Variants in HAVCR1 observed in about 807,000 individuals in gnomAD.
The protein encoded by HAVCR1 is T cell immunoglobin domain and mucin domain protein 1.
HAVCR1 carries 34 observed loss-of-function variants against 32.0 expected under a neutral mutation model. The observed-to-expected ratio is 1.06, with a 90% CI of 0.81 to 1.42. The LOEUF is 1.42. Among genes scored for constraint, HAVCR1 ranks in the 40% most tolerant of loss-of-function variants. The pLI is 0.00. For missense variants in HAVCR1, 420 were observed against 442.3 expected (o/e 0.95, Z 0.45); for synonymous variants, 178 against 170.3 (o/e 1.05, Z -0.35).
At chr5:157,064,822 C>T in the HAVCR1 span, among the ~76,000 whole-genome samples, 17 of 152,074 alleles carry the variant, frequency 1.1e-4, no homozygotes, top group African/African-American at 4.1e-4. Context: ...GAGCCAAGAT[C>T]GTGACACTGC....
the HAVCR1 span, among the ~76,000 whole-genome samples, chr5:157,065,790 G>A: frequency 9.2e-5 from 14 of 152,086 alleles, no homozygotes; most frequent in African/African-American, 2.7e-4. Flanking sequence ...GGGAGGCAGA[G>A]GTCGCAGTGA....
intron 1 of HAVCR1, among the ~76,000 whole-genome samples, 189 bp downstream of exon 1, chr5:157,058,732 C>T (rs1756384306): frequency 6.6e-6 from 1 of 152,164 alleles, no homozygotes; most frequent in Admixed American, 6.5e-5. Context: ...TACTCAGTGG[C>T]CACAACGACT....
chr5:157,035,982 AT>A (rs1303711432), intron 7 of HAVCR1, among the ~76,000 whole-genome samples: 1 of 152,150 alleles, frequency 6.6e-6, no homozygotes, highest in East Asian at 1.9e-4. Flanking sequence ...GGACTTGAGC[AT>A]CTGCAGATTT....
At chr5:157,043,869 A>T (rs916794949) in intron 5 of HAVCR1, among the ~76,000 whole-genome samples, 6 of 152,230 alleles carry the variant, frequency 3.9e-5, no homozygotes, top group African/African-American at 1.4e-4. Flanking sequence ...GCCTCTGCTG[A>T]TAACCTACAC....
chr5:157,060,062 A>C (rs1756442908), upstream of HAVCR1, among the ~76,000 whole-genome samples: 2 of 152,158 alleles, frequency 1.3e-5, no homozygotes, highest in Admixed American at 1.3e-4. Context: ...GACATGACTC[A>C]ATATACTAGG....
chr5:157,045,556 A>T (rs557117902), intron 5 of HAVCR1, among the ~76,000 whole-genome samples: 1 of 152,348 alleles, frequency 6.6e-6, no homozygotes, highest in Non-Finnish European at 1.5e-5. Flanking sequence ...TTATAGCTGA[A>T]ATGGGAGTTG....
upstream of HAVCR1, among the ~76,000 whole-genome samples, chr5:157,063,130 AAAG>A (rs761574793): frequency 1.1e-4 from 16 of 142,772 alleles, no homozygotes; most frequent in East Asian, 2.5e-3. Context: ...TCAAAAAAAA[AAAG>A]AAAGAAAGAA....
At chr5:157,065,398 T>C in the HAVCR1 span, among the ~76,000 whole-genome samples, 1 of 152,128 alleles carries the variant, frequency 6.6e-6, no homozygotes, top group Admixed American at 6.5e-5. Flanking sequence ...TGCTAAGGAC[T>C]AGGTCCTGGG....
chr5:157,042,441 C>CAAAAA, intron 6 of HAVCR1, among the ~76,000 whole-genome samples, 186 bp downstream of exon 6: 1 of 113,314 alleles, frequency 8.8e-6, no homozygotes, highest in Non-Finnish European at 1.8e-5. Context: ...GACTCCGTCT[C>CAAAAA]AAAAAAAAAA....
At chr5:157,044,468 A>AAAGAAAGGAAGG (rs1491433468) in intron 5 of HAVCR1, among the ~76,000 whole-genome samples, 1 of 62,984 alleles carries the variant, frequency 1.6e-5, no homozygotes, top group Non-Finnish European at 2.8e-5. Context: ...AGAAAGAAAG[A>AAAGAAAGGAAGG]AAGGAAGGAA....
chr5:157,061,617 G>C (rs1756490472), upstream of HAVCR1, among the ~76,000 whole-genome samples: 1 of 151,724 alleles, frequency 6.6e-6, no homozygotes, highest in Admixed American at 6.6e-5. Context: ...TGAGGCAAGA[G>C]AATCGCCTGA....
At chr5:157,060,836 C>T (rs1199122081), upstream of HAVCR1, among the ~76,000 whole-genome samples, 2 of 152,094 alleles carry the variant, frequency 1.3e-5, no homozygotes, top group African/African-American at 4.8e-5. Flanking sequence ...TGCACTACAG[C>T]AGCCACTAGC....
rs760073263 is a variant in HAVCR1, at chr5:157,055,200, C to T, written c.379+1G>A. On this transcript the variant is annotated splice_donor_variant, in intron 3 of 8. Transcript: ENST00000523175. LOFTEE classifies it high-confidence loss of function. ...GCAAGAAATATCAAAGAAAAACTTA[C>T]GTGGCACAATCTCCAATGATACGGT... 1.6e-5 allele frequency: 23 copies of T among 1,455,096 alleles called. No individual in the cohort carries two copies. Among genetic ancestry groups the T allele is most frequent in the African/African-American group, 1.4e-4 (10 of 70,820 alleles). The allele number at this position is 1,455,096 out of a possible 1,614,324, so 90.1% of individuals were successfully genotyped here.
chr5:157,042,648 G>A lies in HAVCR1; in HGVS notation c.816C>T (p.Gly272=). Residue 272 remains glycine, a synonymous_variant, in exon 6 of 9, where the codon GGC becomes GGT. Transcript: ENST00000523175. ...GNDTVTESSD[G]LWNNNQTQLF... is the part of the protein sequence containing the mutation. ...TTACAGTTTGATTGTTATTCCAAAG[G>A]CCATCTGAAGACTCTGTCACGGTGT... The A allele has an allele frequency of 6.3e-7, 1 of 1,595,200 alleles. No individual in the cohort carries two copies. The highest frequency in any genetic ancestry group is 8.6e-7 in the Non-Finnish European group (1 of 1,164,014).
chr5:157,057,820 CCCCTTCCCCTA>C, intron 2 of HAVCR1, 67 bp downstream of exon 2: 1 of 1,016,312 alleles, frequency 9.8e-7, no homozygotes, highest in Non-Finnish European at 1.6e-6. Context: ...ACCATCCCCT[CCCCTTCCCCTA>C]CCCCATTCTC....
At chr5:157,033,477 C>T (rs188779220) in intron 7 of HAVCR1, among the ~76,000 whole-genome samples, 606 of 151,818 alleles carry the variant, frequency 4.0e-3, no homozygotes, top group Non-Finnish European at 6.1e-3. Flanking sequence ...TTCTCTGAAG[C>T]TCCCCTATCT....
chr5:157,064,875 A>T, the HAVCR1 span, among the ~76,000 whole-genome samples: 2 of 152,164 alleles, frequency 1.3e-5, no homozygotes, highest in African/African-American at 2.4e-5. Flanking sequence ...CTCAAAAAAA[A>T]CAAAAAACAA....
upstream of HAVCR1, among the ~76,000 whole-genome samples, chr5:157,061,191 C>T (rs1035254210): frequency 8.5e-5 from 13 of 152,128 alleles, no homozygotes; most frequent in African/African-American, 2.9e-4. Context: ...AGCCGCCATG[C>T]CTGGCCTAAA....
intron 8 of HAVCR1, among the ~76,000 whole-genome samples, chr5:157,032,248 G>A (rs1011857970): frequency 1.3e-5 from 2 of 152,178 alleles, no homozygotes; most frequent in African/African-American, 2.4e-5. Context: ...GCCGGGCGCG[G>A]TGGCTCATGT....
Sources: allele counts gnomAD v4.1 joint callset (sites outside exome capture counted in the v4.1 genomes callset), GRCh38; gene constraint gnomAD v4.1.1; transcripts MANE v1.5; gene names NCBI Gene and HGNC (gene_info 2026-07-23, HGNC 2026-07-21).